HEXB: variants seen among roughly 807,000 people sequenced by gnomAD.
HEXB encodes the protein beta-hexosaminidase subunit beta.
HEXB carries 51 observed loss-of-function variants against 71.2 expected under a neutral mutation model. The observed-to-expected ratio is 0.72, with a 90% CI of 0.57 to 0.90. The LOEUF is 0.90. HEXB is among the 40% of genes least tolerant of loss of function. The pLI, the probability that HEXB is intolerant of heterozygous loss-of-function variation, is 0.00. For synonymous variants in HEXB, 266 were observed against 249.3 expected (o/e 1.07, Z -0.63); for missense variants, 617 against 677.0 (o/e 0.91, Z 0.98).
intron 1 of HEXB, among the ~76,000 whole-genome samples, chr5:74,670,017 A>G (rs1748503141): frequency 6.6e-6 from 1 of 152,194 alleles, no homozygotes; most frequent in African/African-American, 2.4e-5. Context: ...GTGGGTCCCC[A>G]GTGAAACCTG....
rs1164740925 is a variant in HEXB, at chr5:74,641,532, C to T, written c.-377+974C>T. 1 of 152,294 alleles carries T rather than the reference C, an allele frequency of 6.6e-6. No individual in the cohort carries two copies. The highest frequency in any genetic ancestry group is 2.4e-5 in the African/African-American group (1 of 41,448). 9.4% of individuals were successfully genotyped at this position (152,294 alleles called of 1,614,324 possible). Reference sequence around the variant, plus strand: ...GCCGCTTGATTCAAAGTGAACTCCTCAAAGCAGCAGCCACGCCGCCTCCTC... The same window carrying T: ...GCCGCTTGATTCAAAGTGAACTCCTTAAAGCAGCAGCCACGCCGCCTCCTC... On this transcript the variant is annotated intron_variant, in intron 1 of 13. Coordinates refer to the HEXB transcript ENST00000511181. The surrounding 1 kb of genome is among the most constrained non-coding windows in gnomAD (Gnocchi z 4.1).
At chr5:74,684,674 C>CTTT (rs1191674612), upstream of HEXB, among the ~76,000 whole-genome samples, 8 of 133,902 alleles carry the variant, frequency 6.0e-5, no homozygotes, top group African/African-American at 1.8e-4. Context: ...TTTTTCTTTT[C>CTTT]TTTTTTTTTT....
rs1193535861 is a variant in HEXB at position 74,652,989 on chromosome 5, C to A, written c.-377+12431C>A. Among the ~76,000 whole-genome samples the A allele has an allele frequency of 6.6e-6, 1 of 152,186 alleles. No homozygotes were observed. Reference sequence around the variant, plus strand: ...AGATAATAGACTCTATTGAATATAACTTCAAAAAACTTTAACATTTCTTAA... The same window carrying A: ...AGATAATAGACTCTATTGAATATAAATTCAAAAAACTTTAACATTTCTTAA... On this transcript the variant is annotated intron_variant, in intron 1 of 13. Transcript: ENST00000511181. This position sits in a 1 kb window ranked among gnomAD's most constrained non-coding sequence, Gnocchi z 5.4.
At chr5:74,660,688 A>T (rs753425267) in intron 1 of HEXB, among the ~76,000 whole-genome samples, 1 of 152,216 alleles carries the variant, frequency 6.6e-6, no homozygotes, top group Admixed American at 6.5e-5. Flanking sequence ...ATGCAATCCC[A>T]ATACAAAACT....
chr5:74,640,226 C>G (rs1393872627), exon 1 of HEXB: 7 of 152,564 alleles, frequency 4.6e-5, no homozygotes, highest in African/African-American at 1.7e-4. Flanking sequence ...GCTCACCCCT[C>G]GCGAACACAC....
chr5:74,668,174 G>A (rs1400167828), intron 1 of HEXB, among the ~76,000 whole-genome samples: 1 of 151,848 alleles, frequency 6.6e-6, no homozygotes, highest in Non-Finnish European at 1.5e-5. Flanking sequence ...GCAGCCATAC[G>A]CCTCTTCCAG....
upstream of HEXB, among the ~76,000 whole-genome samples, chr5:74,684,929 G>C (rs935024713): frequency 6.6e-6 from 1 of 152,144 alleles, no homozygotes; most frequent in South Asian, 2.1e-4. Flanking sequence ...CGCCCGCCTC[G>C]GCCTCCCAAA....
chr5:74,686,832 T>A (rs1286951806), intron 1 of HEXB, among the ~76,000 whole-genome samples: 1 of 152,222 alleles, frequency 6.6e-6, no homozygotes, highest in Non-Finnish European at 1.5e-5. Context: ...CAGAAGATCA[T>A]GACTAGGGTT....
intron 5 of HEXB, among the ~76,000 whole-genome samples, chr5:74,702,308 G>C (rs1023889087): frequency 5.9e-5 from 9 of 151,636 alleles, no homozygotes; most frequent in Admixed American, 4.6e-4. Flanking sequence ...TCGATCTCCT[G>C]ACCTCGTGAT....
At chr5:74,707,022 C>A (rs1488334610) in intron 6 of HEXB, among the ~76,000 whole-genome samples, 2 of 152,288 alleles carry the variant, frequency 1.3e-5, no homozygotes, top group Non-Finnish European at 2.9e-5. Flanking sequence ...CCCTGAGCAG[C>A]CTAACTGGGA....
At chr5:74,644,602 A>T (rs1169478645) in intron 1 of HEXB, among the ~76,000 whole-genome samples, 3 of 152,264 alleles carry the variant, frequency 2.0e-5, no homozygotes, top group Admixed American at 6.5e-5. Flanking sequence ...AGCATTTTAT[A>T]AAACAGTTAT....
At chr5:74,664,788 G>C (rs1267392938) in intron 1 of HEXB, among the ~76,000 whole-genome samples, 1 of 152,154 alleles carries the variant, frequency 6.6e-6, no homozygotes, top group Non-Finnish European at 1.5e-5. Flanking sequence ...TAAGAGGCAA[G>C]TATCAAGCTA....
At chr5:74,651,625 C>T (rs746549162) in intron 1 of HEXB, among the ~76,000 whole-genome samples, 2 of 152,118 alleles carry the variant, frequency 1.3e-5, no homozygotes, top group Non-Finnish European at 2.9e-5. Flanking sequence ...AAGGAGGATT[C>T]CCCCAAATCT....
At chr5:74,650,929 A>C (rs1372202456) in intron 1 of HEXB, among the ~76,000 whole-genome samples, 1 of 105,504 alleles carries the variant, frequency 9.5e-6, no homozygotes, top group Non-Finnish European at 1.9e-5. Context: ...CTGTCTCAAA[A>C]AAAAAAAAAA....
intron 1 of HEXB, among the ~76,000 whole-genome samples, chr5:74,672,966 C>T (rs1045169961): frequency 1.3e-5 from 2 of 151,984 alleles, no homozygotes. Context: ...ATCAGAGCAG[C>T]CTTTGGTCAC....
intron 6 of HEXB, among the ~76,000 whole-genome samples, chr5:74,709,099 A>G (rs936214811): frequency 6.6e-6 from 1 of 152,226 alleles, no homozygotes; most frequent in Non-Finnish European, 1.5e-5. Flanking sequence ...TATCTCTCAG[A>G]CCACAGTGCA....
rs1554037076 is a variant in HEXB at position 74,720,414 on chromosome 5, TGATTTTAATTTAG to T, written c.1418-12_1418del. The T allele has an allele frequency of 1.3e-6, 2 of 1,553,652 alleles. No individual in the cohort carries two copies. Among genetic ancestry groups the T allele is most frequent in the Non-Finnish European group, 8.9e-7 (1 of 1,124,846 alleles). The stretch of plus-strand genomic sequence containing the variant: ...CTTTGAACTTCTGAACTTAATTCAA[TGATTTTAATTTAG>T]GTACTCAGAAACAGAAACAACTTTT... On this transcript the variant is annotated splice_acceptor_variant and splice_polypyrimidine_tract_variant and intron_variant, in intron 11 of 13. Coordinates refer to ENST00000261416, the MANE Select transcript of HEXB (RefSeq NM_000521.4). LOFTEE classifies it high-confidence loss of function.
intron 7 of HEXB, among the ~76,000 whole-genome samples, chr5:74,714,402 T>G (rs1407579584): frequency 6.6e-6 from 1 of 152,246 alleles, no homozygotes; most frequent in Non-Finnish European, 1.5e-5. Context: ...AATGGTTTCA[T>G]AGATGAGGTA....
upstream of HEXB, among the ~76,000 whole-genome samples, chr5:74,684,879 T>G (rs2593642): frequency 0.53 from 79,904 of 151,382 alleles, 21,510 homozygotes; most frequent in Non-Finnish European, 0.57. Context: ...GTTTCACCAA[T>G]TTGGCCAGGC....
Sources: gnomAD v4.1 joint callset for allele counts (sites outside exome capture counted in the v4.1 genomes callset) on GRCh38, gnomAD v4.1.1 for gene constraint, Gnocchi (gnomAD v3.1) non-coding constraint, MANE v1.5 for transcripts, NCBI Gene and HGNC (gene_info 2026-07-23, HGNC 2026-07-21) for gene names.